KAT7: variants seen among roughly 807,000 people sequenced by gnomAD.
KAT7 encodes the protein histone acetyltransferase KAT7.
Under a neutral mutation model 82.1 loss-of-function variants are expected in KAT7, and 10 were observed. The observed-to-expected ratio is 0.12, with a 90% confidence interval of 0.08 to 0.21. The LOEUF is 0.21. KAT7 is among the 10% of genes least tolerant of loss of function. The pLI, the probability that KAT7 is intolerant of heterozygous loss-of-function variation, is 1.00. For synonymous variants in KAT7, 250 were observed against 262.5 expected (o/e 0.95, Z 0.46); for missense variants, 378 against 760.9 (o/e 0.50, Z 5.92).
chr17:49,800,213 G>A (rs866796808), intron 4 of KAT7, among the ~76,000 whole-genome samples: 6 of 151,666 alleles, frequency 4.0e-5, no homozygotes, highest in Admixed American at 2.0e-4. Flanking sequence ...GGGATTCACC[G>A]TGTTAGCCAG....
intron 3 of KAT7, among the ~76,000 whole-genome samples, chr17:49,798,089 A>T (rs1476537390): frequency 6.6e-6 from 1 of 152,248 alleles, no homozygotes; most frequent in African/African-American, 2.4e-5. Context: ...AAATACAGAT[A>T]GGTGTAATAG....
intron 2 of KAT7, among the ~76,000 whole-genome samples, chr17:49,794,139 G>T (rs1394588702): frequency 3.3e-5 from 5 of 152,158 alleles, no homozygotes; most frequent in African/African-American, 4.8e-5. Context: ...TGTCCTCAAA[G>T]ATCTTACAGT....
chr17:49,812,117 A>G (rs2074173461), intron 7 of KAT7, among the ~76,000 whole-genome samples: 1 of 152,194 alleles, frequency 6.6e-6, no homozygotes, highest in Non-Finnish European at 1.5e-5. Context: ...CCTACTACCT[A>G]AAAATAGCCA....
chr17:49,806,591 C>T (rs774918077), intron 5 of KAT7, among the ~76,000 whole-genome samples: 8 of 152,154 alleles, frequency 5.3e-5, no homozygotes, highest in Admixed American at 3.3e-4. Flanking sequence ...AAAATAACTG[C>T]GATCCCTGCT....
intron 12 of KAT7, among the ~76,000 whole-genome samples, chr17:49,825,362 G>T (rs989966897): frequency 6.6e-6 from 1 of 152,164 alleles, no homozygotes; most frequent in Admixed American, 6.5e-5. Flanking sequence ...TAGTGAAGTG[G>T]CTTCACATTT....
intron 2 of KAT7, among the ~76,000 whole-genome samples, chr17:49,796,257 C>G (rs552361829): frequency 9.9e-5 from 15 of 152,166 alleles, no homozygotes; most frequent in African/African-American, 3.4e-4. Flanking sequence ...GTTGTTATAT[C>G]TTTGGTAATA....
At chr17:49,802,674 A>T (rs867593819) in intron 4 of KAT7, among the ~76,000 whole-genome samples, 2 of 152,104 alleles carry the variant, frequency 1.3e-5, no homozygotes, top group Non-Finnish European at 2.9e-5. Context: ...CATCTCAAAA[A>T]AAAAAAAAAG....
At position 49,832,775 on chromosome 17, in the gene KAT7, G is replaced by A. The variant is rs1292875916; in HGVS notation, c.*5273G>A. 1 of 152,178 alleles carries A rather than the reference G, an allele frequency of 6.6e-6. No individual in the cohort carries two copies. Among genetic ancestry groups the A allele is most frequent in the East Asian group, 1.9e-4 (1 of 5,202 alleles). The allele number at this position is 152,178 out of a possible 1,614,324, so 9.4% of individuals were successfully genotyped here. A position where few individuals can be genotyped will look rare whatever the true frequency, so the allele number is the denominator to read the frequency against. On this transcript the variant is annotated 3_prime_UTR_variant, in exon 15 of 15. Transcript: ENST00000259021. ...GCACATATGTACAGCATATCAAAGT[G>A]TTGAATGTCATGAGAATAAAATATG...
chr17:49,788,944 A>G, intron 1 of KAT7, 95 bp downstream of exon 1: 1 of 1,194,472 alleles, frequency 8.4e-7, no homozygotes, highest in South Asian at 1.6e-5. Context: ...TTGGGTCCCA[A>G]CTTTCCGCTC....
At chr17:49,821,831 A>C (rs749557979) in intron 11 of KAT7, 41 bp downstream of exon 11, 1 of 1,603,228 alleles carries the variant, frequency 6.2e-7, no homozygotes, top group East Asian at 2.2e-5. Flanking sequence ...TGGCCAGAGC[A>C]GGGTGATCCA....
At chr17:49,819,362 G>A (rs1461279852) in intron 9 of KAT7, among the ~76,000 whole-genome samples, 3 of 152,152 alleles carry the variant, frequency 2.0e-5, no homozygotes, top group Non-Finnish European at 4.4e-5. Flanking sequence ...AGAAATATCA[G>A]TGCACAGGAA....
rs2074425066 is a variant in KAT7, at chr17:49,831,560, C to T, written c.*4058C>T. 1 of 152,146 alleles carries T rather than the reference C, an allele frequency of 6.6e-6. No homozygotes were observed. The highest frequency in any genetic ancestry group is 1.5e-5 in the Non-Finnish European group (1 of 68,012). 9.4% of individuals were successfully genotyped at this position (152,146 alleles called of 1,614,324 possible). A position where few individuals can be genotyped will look rare whatever the true frequency, so the allele number is the denominator to read the frequency against. On this transcript the variant is annotated 3_prime_UTR_variant, in exon 15 of 15. Coordinates refer to ENST00000259021, the MANE Select transcript of KAT7 (RefSeq NM_007067.5). Reference sequence around the variant, plus strand: ...CAATAGAATGAGAGAGCCTTGCTTCCCTGAGTCCAAATCCCATACTTTTGG... The same window carrying T: ...CAATAGAATGAGAGAGCCTTGCTTCTCTGAGTCCAAATCCCATACTTTTGG...
chr17:49,819,100 C>T (rs1046701508), intron 9 of KAT7, among the ~76,000 whole-genome samples: 3 of 152,120 alleles, frequency 2.0e-5, no homozygotes, highest in African/African-American at 4.8e-5. Context: ...TTTTCCTTCC[C>T]CTTCCTTTTT....
At chr17:49,818,920 G>T (rs2143960256) in intron 9 of KAT7, among the ~76,000 whole-genome samples, 2 of 152,182 alleles carry the variant, frequency 1.3e-5, no homozygotes, top group Non-Finnish European at 2.9e-5. Context: ...TGTATTTTTA[G>T]TAGAGACAGG....
rs984164253 is a variant in KAT7 at position 49,791,774 on chromosome 17, T to C, written c.16-112T>C. 7.8e-6 allele frequency: 8 copies of C among 1,025,480 alleles called. No individual in the cohort carries two copies. In the East Asian group the frequency reaches 1.7e-4, roughly 22 times the overall value. The allele number at this position is 1,025,480 out of a possible 1,614,324, so 63.5% of individuals were successfully genotyped here. A position where few individuals can be genotyped will look rare whatever the true frequency, so the allele number is the denominator to read the frequency against. On this transcript the variant is annotated intron_variant, in intron 1 of 14. Coordinates refer to ENST00000259021, the MANE Select transcript of KAT7 (RefSeq NM_007067.5). The stretch of plus-strand genomic sequence containing the variant: ...ATGAGAAATGCTTGTGGAATCCTTA[T>C]TTAGGTTTGAACTTGGGGTTTTCAG...
At chr17:49,820,243 C>CA (rs539596857) in intron 9 of KAT7, among the ~76,000 whole-genome samples, 6,819 of 143,332 alleles carry the variant, frequency 0.048, 198 homozygotes, top group Admixed American at 0.1. Context: ...CACCCTATCT[C>CA]AAAAAAAAAA....
At chr17:49,808,832 T>C (rs1241246172) in intron 5 of KAT7, among the ~76,000 whole-genome samples, 3 of 152,178 alleles carry the variant, frequency 2.0e-5, no homozygotes, top group Non-Finnish European at 4.4e-5. Context: ...ATTTATTTAT[T>C]GTACTTTGAG....
intron 5 of KAT7, among the ~76,000 whole-genome samples, chr17:49,808,429 TTTTC>T (rs573085643): frequency 5.0e-4 from 73 of 146,514 alleles, no homozygotes; most frequent in East Asian, 8.2e-4. Flanking sequence ...CAAGCCCAGG[TTTTC>T]TTTCTTTCTT....
intron 7 of KAT7, among the ~76,000 whole-genome samples, chr17:49,813,335 T>A (rs1487631784): frequency 6.6e-6 from 1 of 152,214 alleles, no homozygotes; most frequent in Non-Finnish European, 1.5e-5. Flanking sequence ...TGCATCCATG[T>A]CGCTGCAAAG....
Sources: gnomAD v4.1 joint callset for allele counts (sites outside exome capture counted in the v4.1 genomes callset) on GRCh38, gnomAD v4.1.1 for gene constraint, MANE v1.5 for transcripts, NCBI Gene and HGNC (gene_info 2026-07-23, HGNC 2026-07-21) for gene names.